The following IMMP2L variants were observed in gnomAD, a reference collection of about 807,000 sequenced individuals.
IMMP2L encodes the protein inner mitochondrial membrane peptidase subunit 2, also known as mitochondrial inner membrane protease subunit 2.
In IMMP2L, 18 loss-of-function variants were observed where a neutral mutation model predicts 19.3. That is an observed-to-expected ratio of 0.93 (90% CI 0.64 to 1.38). The LOEUF is 1.38. Among genes scored for constraint, IMMP2L ranks in the 40% most tolerant of loss-of-function variants. IMMP2L has a pLI of 0.00. For synonymous variants in IMMP2L, 76 were observed against 73.0 expected (o/e 1.04, Z -0.21); for missense variants, 233 against 218.2 (o/e 1.07, Z -0.43).
intron 2 of IMMP2L, among the ~76,000 whole-genome samples, chr7:111,514,925 A>C (rs1407746515): frequency 6.6e-6 from 1 of 152,078 alleles, no homozygotes; most frequent in African/African-American, 2.4e-5. Flanking sequence ...CAAGTGATAT[A>C]AGTAGTGCTT....
intron 3 of IMMP2L, among the ~76,000 whole-genome samples, chr7:111,132,512 G>A (rs1313447250): frequency 6.6e-6 from 1 of 151,924 alleles, no homozygotes; most frequent in Non-Finnish European, 1.5e-5. Context: ...GACACTATAG[G>A]CATGGGAAAC....
At chr7:111,009,647 T>C (rs925719455) in intron 3 of IMMP2L, among the ~76,000 whole-genome samples, 7 of 152,110 alleles carry the variant, frequency 4.6e-5, no homozygotes, top group Non-Finnish European at 1.0e-4. Flanking sequence ...GCTTTAATCA[T>C]TTATTTTTTG....
At chr7:111,054,806 A>C (rs536538370) in intron 3 of IMMP2L, among the ~76,000 whole-genome samples, 1 of 152,340 alleles carries the variant, frequency 6.6e-6, no homozygotes, top group East Asian at 1.9e-4. Context: ...TCCACTGGGA[A>C]AGTCTTCGAC....
intron 3 of IMMP2L, among the ~76,000 whole-genome samples, chr7:111,208,932 T>C (rs1811009062): frequency 6.6e-6 from 1 of 152,196 alleles, no homozygotes; most frequent in South Asian, 2.1e-4. Context: ...AATTATCCTT[T>C]GAGGTAACTT....
chr7:110,704,956 C>T (rs763314681), intron 5 of IMMP2L, among the ~76,000 whole-genome samples: 6 of 152,008 alleles, frequency 3.9e-5, no homozygotes, highest in Admixed American at 1.3e-4. Context: ...ATGAAATCAC[C>T]TCTGTTTGAA....
chr7:111,111,781 G>C (rs1799236285), intron 3 of IMMP2L, among the ~76,000 whole-genome samples: 2 of 151,804 alleles, frequency 1.3e-5, no homozygotes, highest in East Asian at 1.9e-4. Flanking sequence ...TTATTGTGAG[G>C]CTTCTATAAA....
chr7:111,441,121 C>T (rs151058231), intron 3 of IMMP2L, among the ~76,000 whole-genome samples: 1,903 of 151,982 alleles, frequency 0.013, 39 homozygotes, highest in Admixed American at 0.053. Context: ...TTCTCCATAA[C>T]AGCAATAAGG....
chr7:110,964,498 A>G (rs1191261697), intron 3 of IMMP2L, among the ~76,000 whole-genome samples: 2 of 152,032 alleles, frequency 1.3e-5, no homozygotes, highest in Non-Finnish European at 2.9e-5. Flanking sequence ...CTGACAGTTA[A>G]AATAAATTGA....
chr7:110,676,732 T>C (rs752131752), intron 5 of IMMP2L, among the ~76,000 whole-genome samples: 10 of 152,178 alleles, frequency 6.6e-5, no homozygotes, highest in Non-Finnish European at 1.3e-4. Flanking sequence ...TTGACAGCAA[T>C]CTATCCCTAC....
intron 4 of IMMP2L, among the ~76,000 whole-genome samples, chr7:110,916,257 G>T (rs1009867600): frequency 2.0e-5 from 3 of 152,186 alleles, no homozygotes; most frequent in African/African-American, 7.2e-5. Context: ...CTGTCTGAAT[G>T]CTTGTAACGC....
At chr7:111,394,625 T>C (rs1453629696) in intron 3 of IMMP2L, among the ~76,000 whole-genome samples, 1 of 152,092 alleles carries the variant, frequency 6.6e-6, no homozygotes, top group Admixed American at 6.6e-5. Context: ...TTCTTTCATC[T>C]CAAAGAAATA....
At chr7:111,369,641 A>G (rs1163360217) in intron 3 of IMMP2L, among the ~76,000 whole-genome samples, 1 of 151,976 alleles carries the variant, frequency 6.6e-6, no homozygotes, top group East Asian at 1.9e-4. Flanking sequence ...GCCATTTTCA[A>G]AAGCCAATCA....
intron 3 of IMMP2L, among the ~76,000 whole-genome samples, chr7:111,263,773 G>T (rs985353448): frequency 6.6e-6 from 1 of 152,094 alleles, no homozygotes; most frequent in African/African-American, 2.4e-5. Flanking sequence ...ACTGAGTAGC[G>T]ACTAGGGAAA....
At chr7:110,884,899 C>T (rs545329618) in intron 5 of IMMP2L, among the ~76,000 whole-genome samples, 1 of 151,938 alleles carries the variant, frequency 6.6e-6, no homozygotes, top group Non-Finnish European at 1.5e-5. Context: ...AAGTCATCTT[C>T]CACACAATTA....
intron 4 of IMMP2L, among the ~76,000 whole-genome samples, chr7:110,911,303 A>C (rs549583347): frequency 1.3e-5 from 2 of 152,270 alleles, no homozygotes; most frequent in Admixed American, 1.3e-4. Flanking sequence ...ATTCAGCTTT[A>C]AAAGTGAAAT....
intron 5 of IMMP2L, among the ~76,000 whole-genome samples, chr7:110,763,609 T>C (rs1323857903): frequency 1.3e-5 from 2 of 152,170 alleles, no homozygotes; most frequent in African/African-American, 4.8e-5. Context: ...ATAGTTACCA[T>C]ATAACACTGA....
chr7:111,288,068 C>T (rs1054843642), intron 3 of IMMP2L, among the ~76,000 whole-genome samples: 1 of 152,182 alleles, frequency 6.6e-6, no homozygotes, highest in East Asian at 1.9e-4. Context: ...TAATTTATTA[C>T]AGATTTTTTT....
chr7:111,009,164 C>A lies in IMMP2L; in HGVS notation c.240-45599G>T, dbSNP rs192428056. On this transcript the variant is annotated intron_variant, in intron 3 of 5. Transcript: ENST00000405709. Reference sequence around the variant, plus strand: ...GCTGGTATTATCTTCTCTCTAAAAGCGATTTAAAAACTTGGTTTTCTGGCC... The same window carrying A: ...GCTGGTATTATCTTCTCTCTAAAAGAGATTTAAAAACTTGGTTTTCTGGCC... Among the ~76,000 whole-genome samples the A allele has an allele frequency of 2.4e-3, 363 of 152,106 alleles. 2 individuals are homozygous for A. The highest frequency in any genetic ancestry group is 3.6e-3 in the Non-Finnish European group (243 of 67,974).
intron 5 of IMMP2L, among the ~76,000 whole-genome samples, chr7:110,756,527 T>C (rs1030615140): frequency 1.4e-4 from 22 of 152,062 alleles, no homozygotes; most frequent in Non-Finnish European, 1.3e-4. Flanking sequence ...GGCTAGAGTA[T>C]ACTGCAGAGT....
Sources: allele counts gnomAD v4.1 joint callset (sites outside exome capture counted in the v4.1 genomes callset), GRCh38; gene constraint gnomAD v4.1.1; transcripts MANE v1.5; gene names NCBI Gene and HGNC (gene_info 2026-07-23, HGNC 2026-07-21).